Variants in NPAS2 observed in about 807,000 individuals in gnomAD.
The protein encoded by NPAS2 is neuronal PAS domain-containing protein 2.
Under a neutral mutation model 107.5 loss-of-function variants are expected in NPAS2, and 23 were observed. The ratio of observed to expected loss-of-function variants is 0.21; its 90% CI spans 0.15 to 0.30. NPAS2 has a LOEUF of 0.30. Ranked by LOEUF, NPAS2 falls within the 10% of genes least tolerant of loss-of-function variation. The pLI, the probability that NPAS2 is intolerant of heterozygous loss-of-function variation, is 1.00. For synonymous variants in NPAS2, 403 were observed against 417.5 expected, an observed-to-expected ratio of 0.97 and a Z score of 0.42; for missense variants, 756 against 1,043.3, an observed-to-expected ratio of 0.72 and a Z score of 3.79.
chr2:100,887,941 T>C (rs1680816612), intron 1 of NPAS2, among the ~76,000 whole-genome samples: 1 of 152,258 alleles, frequency 6.6e-6, no homozygotes, highest in Non-Finnish European at 1.5e-5. Flanking sequence ...CTGTTTAGCC[T>C]CATCCAGAGG....
chr2:100,920,766 G>A (rs1683171580), intron 2 of NPAS2, among the ~76,000 whole-genome samples: 1 of 152,214 alleles, frequency 6.6e-6, no homozygotes, highest in Non-Finnish European at 1.5e-5. Context: ...ACTGACACAT[G>A]GCACTTGTGC....
chr2:100,982,405 T>TC (rs763516165), intron 16 of NPAS2, 28 bp downstream of exon 16: 8 of 1,610,630 alleles, frequency 5.0e-6, no homozygotes, highest in South Asian at 3.3e-5. Context: ...CTGGCCTCTG[T>TC]CCCTGCTGCT....
intron 2 of NPAS2, among the ~76,000 whole-genome samples, chr2:100,909,464 G>A (rs893977948): frequency 1.3e-5 from 2 of 152,206 alleles, no homozygotes; most frequent in Non-Finnish European, 2.9e-5. Context: ...CTGTAGGTCT[G>A]AAAGCAAAGG....
intron 1 of NPAS2, among the ~76,000 whole-genome samples, chr2:100,823,157 G>A (rs895292373): frequency 3.3e-5 from 5 of 151,992 alleles, no homozygotes; most frequent in Non-Finnish European, 7.4e-5. Context: ...ATGCTAATGG[G>A]GTACTTAACT....
chr2:100,877,749 T>A (rs1427777003), intron 1 of NPAS2, among the ~76,000 whole-genome samples: 3 of 152,136 alleles, frequency 2.0e-5, no homozygotes, highest in African/African-American at 7.2e-5. Flanking sequence ...ATGGCGTGAC[T>A]CATCACCGAA....
At chr2:100,975,290 C>T (rs968229075) in intron 13 of NPAS2, 168 bp from the exon 14 acceptor site, 2 of 667,954 alleles carry the variant, frequency 3.0e-6, no homozygotes, top group Middle Eastern at 2.6e-4. Flanking sequence ...CCTACCTGCT[C>T]CCAGGCTGGG....
chr2:100,894,253 AT>A (rs954252524), intron 1 of NPAS2, among the ~76,000 whole-genome samples: 2 of 152,166 alleles, frequency 1.3e-5, no homozygotes, highest in African/African-American at 4.8e-5. Context: ...GAGTCAACAG[AT>A]TTTTTGAGGG....
chr2:100,888,245 C>T (rs1199328313), intron 1 of NPAS2, among the ~76,000 whole-genome samples: 1 of 152,164 alleles, frequency 6.6e-6, no homozygotes, highest in African/African-American at 2.4e-5. Flanking sequence ...GCCCTAAGAA[C>T]ATCAGCCACT....
At chr2:100,906,972 C>T (rs1421198111) in intron 2 of NPAS2, among the ~76,000 whole-genome samples, 1 of 152,190 alleles carries the variant, frequency 6.6e-6, no homozygotes, top group African/African-American at 2.4e-5. Context: ...TTCTTATCCC[C>T]AGACCACAAG....
At chr2:100,884,384 C>G (rs1166961261) in intron 1 of NPAS2, among the ~76,000 whole-genome samples, 3 of 152,082 alleles carry the variant, frequency 2.0e-5, no homozygotes, top group Admixed American at 6.6e-5. Flanking sequence ...TTTCTACAAC[C>G]AAGATAAGAG....
chr2:100,855,427 CA>C (rs1164772518), intron 1 of NPAS2, among the ~76,000 whole-genome samples: 1 of 152,186 alleles, frequency 6.6e-6, no homozygotes, highest in African/African-American at 2.4e-5. Flanking sequence ...ATAGGTGTCA[CA>C]ACTTTTGGAA....
At chr2:100,923,164 G>A (rs1012785243) in intron 2 of NPAS2, among the ~76,000 whole-genome samples, 4 of 152,204 alleles carry the variant, frequency 2.6e-5, no homozygotes, top group African/African-American at 7.2e-5. Flanking sequence ...CCTGCAGTTA[G>A]TGTGTGATGT....
intron 1 of NPAS2, chr2:100,901,719 T>C (rs555946658): frequency 5.6e-4 from 103 of 184,152 alleles, no homozygotes; most frequent in African/African-American, 2.3e-3. Context: ...CTCTTGTCCC[T>C]TCCCCTTACA....
intron 15 of NPAS2, among the ~76,000 whole-genome samples, chr2:100,978,498 C>T (rs991442747): frequency 6.6e-6 from 1 of 151,390 alleles, no homozygotes; most frequent in African/African-American, 2.4e-5. Flanking sequence ...GTGAGTCCAG[C>T]ACTATAAATA....
chr2:100,928,387 C>T (rs1683714337), intron 3 of NPAS2, among the ~76,000 whole-genome samples: 1 of 151,820 alleles, frequency 6.6e-6, no homozygotes, highest in South Asian at 2.1e-4. Flanking sequence ...AGGTCATTGC[C>T]ACCGAGAAGC....
intron 7 of NPAS2, among the ~76,000 whole-genome samples, chr2:100,950,291 A>T (rs1257775368): frequency 2.0e-5 from 3 of 152,240 alleles, no homozygotes; most frequent in Middle Eastern, 3.2e-3. Flanking sequence ...GATGGAAAAA[A>T]AATAAAATAA....
At chr2:100,923,490 T>C (rs1012754211) in intron 2 of NPAS2, among the ~76,000 whole-genome samples, 3 of 152,188 alleles carry the variant, frequency 2.0e-5, no homozygotes, top group African/African-American at 7.2e-5. Context: ...CGTCCTTTTG[T>C]GTCCAAGGGC....
intron 7 of NPAS2, among the ~76,000 whole-genome samples, chr2:100,959,819 A>G (rs1341088262): frequency 6.6e-6 from 1 of 152,210 alleles, no homozygotes; most frequent in Non-Finnish European, 1.5e-5. Flanking sequence ...AATTTATCAT[A>G]AGCAGGTCGT....
chr2:100,975,790 A>C, intron 14 of NPAS2: 1 of 428,742 alleles, frequency 2.3e-6, no homozygotes, highest in East Asian at 4.3e-5. Flanking sequence ...AGAATACAAA[A>C]TCCAAGTGAA....
Sources: gnomAD v4.1 joint callset for allele counts (sites outside exome capture counted in the v4.1 genomes callset) on GRCh38, gnomAD v4.1.1 for gene constraint, MANE v1.5 for transcripts, NCBI Gene and HGNC (gene_info 2026-07-23, HGNC 2026-07-21) for gene names.